Variants in LIN28B observed in about 807,000 individuals in gnomAD.
LIN28B encodes lin-28 RNA binding posttranscriptional regulator B.
Under a neutral mutation model 21.9 loss-of-function variants are expected in LIN28B, and 5 were observed. The ratio of observed to expected loss-of-function variants is 0.23; its 90% CI spans 0.12 to 0.48. The LOEUF (loss-of-function observed/expected upper bound fraction) is 0.48, where lower values mean the gene tolerates loss of function less well. Among genes scored for constraint, LIN28B ranks in the 20% least tolerant of loss-of-function variants. LIN28B has a pLI of 0.98. For missense variants in LIN28B, 245 were observed against 310.5 expected, an observed-to-expected ratio of 0.79 and a Z score of 1.58; for synonymous variants, 109 against 111.3, an observed-to-expected ratio of 0.98 and a Z score of 0.13.
At chr6:105,040,895 T>A (rs535158540) in intron 3 of LIN28B, among the ~76,000 whole-genome samples, 23 of 152,120 alleles carry the variant, frequency 1.5e-4, no homozygotes, top group Non-Finnish European at 2.5e-4. Flanking sequence ...CAATTGGATT[T>A]TTTATTTATT....
At chr6:104,955,427 A>G (rs1778273185), upstream of LIN28B, among the ~76,000 whole-genome samples, 1 of 152,168 alleles carries the variant, frequency 6.6e-6, no homozygotes, top group African/African-American at 2.4e-5. Context: ...AAAAAAAAAA[A>G]TCTTTCCAAA....
intron 2 of LIN28B, among the ~76,000 whole-genome samples, chr6:104,963,326 G>A (rs1462372414): frequency 3.3e-5 from 5 of 152,162 alleles, no homozygotes; most frequent in Non-Finnish European, 7.4e-5. Context: ...GATTACAGGC[G>A]TGAGCCACCG....
At chr6:105,067,682 C>G (rs1477381449) in intron 3 of LIN28B, among the ~76,000 whole-genome samples, 1 of 152,026 alleles carries the variant, frequency 6.6e-6, no homozygotes, top group African/African-American at 2.4e-5. Flanking sequence ...AACTTATGAC[C>G]TAGAATTCAT....
intron 2 of LIN28B, chr6:104,940,344 G>T (rs915892840): frequency 1.9e-5 from 3 of 156,526 alleles, no homozygotes; most frequent in Middle Eastern, 5.2e-4. Flanking sequence ...TCGCACCCTA[G>T]GGACCGCCAT....
At chr6:105,036,518 A>G (rs962351952) in intron 3 of LIN28B, among the ~76,000 whole-genome samples, 1 of 152,098 alleles carries the variant, frequency 6.6e-6, no homozygotes, top group African/African-American at 2.4e-5. Flanking sequence ...CTTCATTCAC[A>G]TTATCTTAGC....
At chr6:104,971,157 A>C (rs1008237349) in intron 2 of LIN28B, among the ~76,000 whole-genome samples, 1 of 152,166 alleles carries the variant, frequency 6.6e-6, no homozygotes, top group African/African-American at 2.4e-5. Flanking sequence ...TCTGCCATTG[A>C]TTTTTAAAAT....
intron 2 of LIN28B, among the ~76,000 whole-genome samples, chr6:104,964,330 A>T (rs890466178): frequency 2.6e-5 from 4 of 152,192 alleles, no homozygotes; most frequent in Non-Finnish European, 5.9e-5. Context: ...GTCCAGCTTG[A>T]TGTACTATAT....
chr6:105,075,750 T>G (rs990491954), intron 3 of LIN28B, among the ~76,000 whole-genome samples: 5 of 152,244 alleles, frequency 3.3e-5, no homozygotes, highest in Non-Finnish European at 5.9e-5. Context: ...ATCAGGCTCC[T>G]GGTCAATGAG....
chr6:105,073,334 A>G (rs1772367977), intron 3 of LIN28B, among the ~76,000 whole-genome samples: 1 of 152,072 alleles, frequency 6.6e-6, no homozygotes, highest in South Asian at 2.1e-4. Context: ...TAGTTCCTGT[A>G]ATTTTTTTCA....
At position 105,063,087 on chromosome 6, in the gene LIN28B, C is replaced by CTTT. The variant is rs1269744440; in HGVS notation, c.384-15324_384-15322dup. 3.3e-5 allele frequency among the ~76,000 whole-genome samples: 5 copies of CTTT among 152,012 alleles called. No homozygotes were observed. The East Asian group carries it at 9.7e-4, about 29-fold the overall frequency. On this transcript the variant is annotated intron_variant, in intron 3 of 3. Transcript: ENST00000345080. ...AATGACTAACTGGGTAACAAATTTC[C>CTTT]TTTTTGTCCTTAGAAATAATATTGT...
chr6:105,007,961 AATTGTT>A (rs1770850098), intron 2 of LIN28B, among the ~76,000 whole-genome samples: 1 of 152,084 alleles, frequency 6.6e-6, no homozygotes, highest in Non-Finnish European at 1.5e-5. Context: ...TTAAATCATA[AATTGTT>A]ATATGTTGTC....
chr6:105,077,822 C>CT (rs1185753236), intron 3 of LIN28B, among the ~76,000 whole-genome samples: 1 of 152,140 alleles, frequency 6.6e-6, no homozygotes, highest in Admixed American at 6.6e-5. Context: ...TGACTAGACT[C>CT]TGACTTTCTT....
chr6:104,977,853 A>G (rs1205903272), intron 2 of LIN28B, among the ~76,000 whole-genome samples: 17 of 152,044 alleles, frequency 1.1e-4, no homozygotes, highest in Non-Finnish European at 1.5e-5. Flanking sequence ...GGCGTGAGCC[A>G]CCGCACCCGA....
intron 3 of LIN28B, among the ~76,000 whole-genome samples, chr6:105,050,469 G>A (rs1432789562): frequency 6.6e-6 from 1 of 151,520 alleles, no homozygotes; most frequent in Non-Finnish European, 1.5e-5. Flanking sequence ...GGGCGCGGTG[G>A]CGGGTGCCTG....
At chr6:105,062,088 T>G (rs890474456) in intron 3 of LIN28B, among the ~76,000 whole-genome samples, 15 of 152,092 alleles carry the variant, frequency 9.9e-5, no homozygotes, top group Non-Finnish European at 2.2e-4. Context: ...CCTTACTCAT[T>G]TTTATTTTTA....
intron 2 of LIN28B, among the ~76,000 whole-genome samples, chr6:104,998,857 C>T (rs1189618316): frequency 6.6e-6 from 1 of 152,016 alleles, no homozygotes; most frequent in Non-Finnish European, 1.5e-5. Flanking sequence ...TTGTGCATGA[C>T]TAAGGATCTT....
intron 3 of LIN28B, among the ~76,000 whole-genome samples, chr6:105,077,525 G>A (rs1423331561): frequency 1.3e-5 from 2 of 152,046 alleles, no homozygotes; most frequent in Non-Finnish European, 2.9e-5. Flanking sequence ...CAAGCTAAAA[G>A]CTGAACTTTC....
intron 2 of LIN28B, among the ~76,000 whole-genome samples, chr6:104,959,591 A>G (rs998433505): frequency 2.6e-5 from 4 of 152,138 alleles, no homozygotes; most frequent in Non-Finnish European, 1.5e-5. Flanking sequence ...TTGGCTGTTT[A>G]TATGTGGAAG....
chr6:105,023,210 GATAT>G (rs370667791), intron 2 of LIN28B, among the ~76,000 whole-genome samples: 8 of 69,004 alleles, frequency 1.2e-4, no homozygotes, highest in African/African-American at 3.9e-4. Flanking sequence ...GTTTCTTATG[GATAT>G]ATATATATAT....
Sources: allele counts gnomAD v4.1 joint callset (sites outside exome capture counted in the v4.1 genomes callset), GRCh38; gene constraint gnomAD v4.1.1; transcripts MANE v1.5; gene names NCBI Gene and HGNC (gene_info 2026-07-23, HGNC 2026-07-21).